The following IGF2BP2 variants were observed in gnomAD, a reference collection of about 807,000 sequenced individuals.
IGF2BP2 encodes the protein insulin-like growth factor 2 mRNA-binding protein 2.
IGF2BP2 carries 17 observed loss-of-function variants against 75.8 expected under a neutral mutation model. The ratio of observed to expected loss-of-function variants is 0.22; its 90% CI spans 0.15 to 0.34. The LOEUF is 0.34. Ranked by LOEUF, IGF2BP2 falls within the 10% of genes least tolerant of loss-of-function variation. The pLI is 1.00. For synonymous variants in IGF2BP2, 288 were observed against 295.6 expected, an observed-to-expected ratio of 0.97 and a Z score of 0.26; for missense variants, 516 against 772.4, an observed-to-expected ratio of 0.67 and a Z score of 3.93.
intron 12 of IGF2BP2, among the ~76,000 whole-genome samples, chr3:185,655,544 C>T (rs187426947): frequency 6.6e-6 from 1 of 152,298 alleles, no homozygotes; most frequent in Admixed American, 6.5e-5. Context: ...AGATTGTTGG[C>T]CCAGCATAAA....
intron 2 of IGF2BP2, among the ~76,000 whole-genome samples, chr3:185,812,234 T>C (rs1028435079): frequency 3.9e-5 from 6 of 152,118 alleles, no homozygotes; most frequent in Non-Finnish European, 7.4e-5. Context: ...AAGCCAACCC[T>C]GCTTCCACCT....
At chr3:185,664,329 G>T (rs142422501) in intron 10 of IGF2BP2, among the ~76,000 whole-genome samples, 90 of 152,262 alleles carry the variant, frequency 5.9e-4, no homozygotes, top group African/African-American at 2.1e-3. Context: ...GTTCAGGTGG[G>T]GTCTGGGGAG....
At chr3:185,692,802 T>C (rs1283401629) in intron 4 of IGF2BP2, 40 bp from the exon 5 acceptor site, 1 of 1,589,592 alleles carries the variant, frequency 6.3e-7, no homozygotes, top group Non-Finnish European at 8.6e-7. Flanking sequence ...TAGGAAAAAG[T>C]GCTGTCACCC....
chr3:185,821,247 T>C (rs949905655), intron 2 of IGF2BP2: 4 of 840,814 alleles, frequency 4.8e-6, no homozygotes, highest in Non-Finnish European at 6.9e-6. Context: ...TGCATACATT[T>C]GGAATGTTAA....
chr3:185,665,485 GAGGAGA>G (rs1290031482), intron 10 of IGF2BP2, among the ~76,000 whole-genome samples: 1 of 66,172 alleles, frequency 1.5e-5, no homozygotes, highest in Admixed American at 1.3e-4. Flanking sequence ...GGAGAAGAAG[GAGGAGA>G]AGGAGGAGGA....
Position 185,675,339 on chromosome 3 carries a change from T to C in IGF2BP2, c.1028A>G (p.Lys343Arg). Reference sequence around the variant, plus strand: ...ATTTTCAAAGGCCTCACGCAGCTTCTTCATAATCTCTATCTCAGCACTGGC... The same window carrying C: ...ATTTTCAAAGGCCTCACGCAGCTTCCTCATAATCTCTATCTCAGCACTGGC... ...ACASAEIEIM[K>R]KLREAFENDM... Residue 343 changes from lysine (K) to arginine (R), a missense_variant, in exon 9 of 16, where the codon AAG (lysine) becomes AGG (arginine). This residue lies in a region of IGF2BP2 where 312 missense variants were observed against 474.5 expected (regional missense o/e 0.66). Transcript: ENST00000382199. 3 of 1,612,088 alleles carry C rather than the reference T, an allele frequency of 1.9e-6. No individual in the cohort carries two copies. Among genetic ancestry groups the C allele is most frequent in the Non-Finnish European group, 2.5e-6 (3 of 1,179,718 alleles).
At chr3:185,758,753 C>T (rs962941360) in intron 2 of IGF2BP2, among the ~76,000 whole-genome samples, 41 of 152,214 alleles carry the variant, frequency 2.7e-4, no homozygotes, top group African/African-American at 9.6e-4. Flanking sequence ...AATGTGGAAA[C>T]TCAGATGTTT....
At chr3:185,785,552 C>A (rs1169688992) in intron 2 of IGF2BP2, among the ~76,000 whole-genome samples, 1 of 152,068 alleles carries the variant, frequency 6.6e-6, no homozygotes, top group Non-Finnish European at 1.5e-5. Flanking sequence ...AGCATGGTGG[C>A]TTGTGCCTGT....
intron 2 of IGF2BP2, among the ~76,000 whole-genome samples, chr3:185,715,416 C>T (rs1330048197): frequency 6.6e-6 from 1 of 152,214 alleles, no homozygotes; most frequent in Non-Finnish European, 1.5e-5. Context: ...ACGCCCCACA[C>T]AGAGTCAGTA....
At chr3:185,652,342 C>G (rs1714740590) in intron 12 of IGF2BP2, among the ~76,000 whole-genome samples, 174 bp from the exon 13 acceptor site, 1 of 152,144 alleles carries the variant, frequency 6.6e-6, no homozygotes, top group South Asian at 2.1e-4. Flanking sequence ...GAAGTCATGA[C>G]TGTAATGCCC....
intron 2 of IGF2BP2, among the ~76,000 whole-genome samples, chr3:185,702,928 A>C (rs1041948546): frequency 2.6e-5 from 4 of 152,230 alleles, no homozygotes; most frequent in African/African-American, 9.6e-5. Flanking sequence ...AGTCAAGCGA[A>C]GGGTGCTCTT....
chr3:185,823,025 C>G, intron 2 of IGF2BP2, 128 bp downstream of exon 2: 1 of 562,728 alleles, frequency 1.8e-6, no homozygotes, highest in Non-Finnish European at 3.1e-6. Context: ...AACTATGTAT[C>G]TCCACTAACA....
chr3:185,792,007 T>G (rs541425210), intron 2 of IGF2BP2, among the ~76,000 whole-genome samples: 1 of 152,200 alleles, frequency 6.6e-6, no homozygotes, highest in African/African-American at 2.4e-5. Context: ...ATATTTGGCA[T>G]GGATCATGCA....
intron 2 of IGF2BP2, among the ~76,000 whole-genome samples, chr3:185,751,382 A>G (rs921551394): frequency 4.0e-5 from 6 of 151,662 alleles, no homozygotes; most frequent in African/African-American, 1.5e-4. Flanking sequence ...GTTCGAGACC[A>G]GCCTGACCAA....
intron 2 of IGF2BP2, among the ~76,000 whole-genome samples, chr3:185,725,233 T>G (rs1454472672): frequency 6.6e-6 from 1 of 152,180 alleles, no homozygotes; most frequent in Non-Finnish European, 1.5e-5. Context: ...TTATGCCACT[T>G]TGTTTGGGTT....
At chr3:185,809,644 G>T (rs969896194) in intron 2 of IGF2BP2, among the ~76,000 whole-genome samples, 4 of 150,302 alleles carry the variant, frequency 2.7e-5, no homozygotes, top group Non-Finnish European at 4.4e-5. Context: ...AGAAAGGAAA[G>T]AAAGAAAAAA....
intron 2 of IGF2BP2, among the ~76,000 whole-genome samples, chr3:185,809,174 G>T (rs1739464247): frequency 6.7e-6 from 1 of 148,900 alleles, no homozygotes; most frequent in Non-Finnish European, 1.5e-5. Flanking sequence ...ATTTTTAATG[G>T]AATTTGACTT....
intron 2 of IGF2BP2, among the ~76,000 whole-genome samples, chr3:185,743,101 T>C (rs774038558): frequency 6.6e-6 from 1 of 151,584 alleles, no homozygotes; most frequent in Non-Finnish European, 1.5e-5. Context: ...TCCGTCTTAA[T>C]AAATAAACAA....
At chr3:185,814,683 G>T (rs1740364362) in intron 2 of IGF2BP2, among the ~76,000 whole-genome samples, 1 of 152,146 alleles carries the variant, frequency 6.6e-6, no homozygotes, top group African/African-American at 2.4e-5. Flanking sequence ...CAAAAAGCAT[G>T]GCGTCTATCT....
Sources: allele counts gnomAD v4.1 joint callset (sites outside exome capture counted in the v4.1 genomes callset), GRCh38; gene constraint gnomAD v4.1.1; regional missense constraint gnomAD v4.1.1; transcripts MANE v1.5; gene names NCBI Gene and HGNC (gene_info 2026-07-23, HGNC 2026-07-21).